Variants in KIF6 observed in about 807,000 individuals in gnomAD.
KIF6 encodes kinesin-like protein KIF6.
KIF6 carries 106 observed loss-of-function variants against 112.7 expected under a neutral mutation model. The observed-to-expected ratio is 0.94, with a 90% CI of 0.80 to 1.11. The LOEUF (loss-of-function observed/expected upper bound fraction) is 1.11, where lower values mean the gene tolerates loss of function less well. Among genes scored for constraint, KIF6 ranks in the 50% least tolerant of loss-of-function variants. The probability of loss-of-function intolerance (pLI) is 0.00; values close to 1 mark genes in which losing one functional copy is unlikely to be tolerated. For missense variants in KIF6, 929 were observed against 964.0 expected (o/e 0.96, Z 0.48); for synonymous variants, 339 against 339.9 (o/e 1.00, Z 0.03).
In KIF6 at chr6:39,431,895, T is replaced by C. The variant is rs558780387; in HGVS notation, c.1646-734A>G. ...CGGAGTGAGGGTCAGCGCAGATGTA[T>C]GCCTGGGACCCCTCAGTGAGAGCTG... On this transcript the variant is annotated intron_variant, in intron 13 of 22. Transcript: ENST00000287152. Among the ~76,000 whole-genome samples the C allele has an allele frequency of 2.6e-5, 4 of 152,194 alleles. No individual in the cohort carries two copies. In the South Asian group the frequency reaches 6.2e-4, roughly 24 times the overall value.
intron 3 of KIF6, among the ~76,000 whole-genome samples, chr6:39,656,036 T>G (rs1054667009): frequency 3.3e-5 from 5 of 152,222 alleles, no homozygotes; most frequent in African/African-American, 1.2e-4. Context: ...TACACTGACT[T>G]AGGCTGTATC....
intron 13 of KIF6, among the ~76,000 whole-genome samples, chr6:39,499,384 AG>A (rs2150489145): frequency 6.6e-6 from 1 of 152,174 alleles, no homozygotes; most frequent in South Asian, 2.1e-4. Flanking sequence ...AAGAGGCAAA[AG>A]CATGAGCCAA....
At chr6:39,464,013 T>C (rs915122756) in intron 13 of KIF6, among the ~76,000 whole-genome samples, 20 of 152,200 alleles carry the variant, frequency 1.3e-4, no homozygotes, top group African/African-American at 3.6e-4. Flanking sequence ...ATTTATTACT[T>C]TGAGAGTTTG....
chr6:39,384,142 G>A (rs1312175065), intron 16 of KIF6, among the ~76,000 whole-genome samples: 1 of 152,108 alleles, frequency 6.6e-6, no homozygotes. Context: ...TCTTTCTCTG[G>A]CCTAATTGCT....
intron 5 of KIF6, among the ~76,000 whole-genome samples, chr6:39,634,252 C>G (rs530234059): frequency 4.6e-4 from 70 of 152,152 alleles, no homozygotes; most frequent in African/African-American, 1.6e-3. Context: ...GGCAGATATT[C>G]AAACAAGCAT....
intron 3 of KIF6, among the ~76,000 whole-genome samples, chr6:39,640,557 T>A (rs183647983): frequency 3.9e-5 from 6 of 152,218 alleles, no homozygotes; most frequent in African/African-American, 1.2e-4. Context: ...TACGATGACA[T>A]CAGCTATTGG....
intron 3 of KIF6, among the ~76,000 whole-genome samples, chr6:39,684,234 G>T (rs1005256927): frequency 6.6e-6 from 1 of 152,174 alleles, no homozygotes; most frequent in African/African-American, 2.4e-5. Context: ...GGGTGCAGGG[G>T]CTCACGCCTG....
chr6:39,477,856 G>A (rs1175140476), intron 13 of KIF6, among the ~76,000 whole-genome samples: 1 of 151,758 alleles, frequency 6.6e-6, no homozygotes, highest in Non-Finnish European at 1.5e-5. Context: ...GCCAGACTCT[G>A]TCTCAAAAAA....
Position 39,343,364 on chromosome 6 carries a change from C to T in KIF6, c.2428+345G>A, listed in dbSNP as rs1488307402. 1 of 1,314,610 alleles carries T rather than the reference C, an allele frequency of 7.6e-7. No individual in the cohort carries two copies. Among genetic ancestry groups the T allele is most frequent in the African/African-American group, 1.5e-5 (1 of 66,976 alleles). 81.4% of individuals were successfully genotyped at this position (1,314,610 alleles called of 1,614,324 possible). On this transcript the variant is annotated intron_variant, in intron 22 of 22. Transcript: ENST00000287152. This position sits in a 1 kb window ranked among gnomAD's most constrained non-coding sequence, Gnocchi z 4.1. ...ACGAGTTACCAAAACATCACTCAGCCCCTTCCTGTTTGTAGAAGCCTGAGC... is the reference window on the plus strand; with the variant it reads ...ACGAGTTACCAAAACATCACTCAGCTCCTTCCTGTTTGTAGAAGCCTGAGC...
At chr6:39,583,485 G>T (rs1324535174) in intron 9 of KIF6, 1 of 471,488 alleles carries the variant, frequency 2.1e-6, no homozygotes, top group Non-Finnish European at 4.4e-6. Flanking sequence ...GCTTTCTGAG[G>T]CAAGAAGAAC....
At chr6:39,565,341 G>C (rs999025699) in intron 10 of KIF6, among the ~76,000 whole-genome samples, 1 of 149,958 alleles carries the variant, frequency 6.7e-6, no homozygotes, top group African/African-American at 2.4e-5. Flanking sequence ...TTTCTAGGCA[G>C]GCACCAGGCT....
rs537733262 is a variant in KIF6 at position 39,547,416 on chromosome 6, C to T, written c.1182-1728G>A. On this transcript the variant is annotated intron_variant, in intron 10 of 22. Transcript: ENST00000287152. ...TTAGAGCTTCAAACCATCAGATATA[C>T]AGAGGGATTTATTCCTGATACATTT... Among the ~76,000 whole-genome samples the T allele has an allele frequency of 3.9e-5, 6 of 152,242 alleles. No homozygotes were observed. In the South Asian group the frequency reaches 1.2e-3, roughly 32 times the overall value.
intron 6 of KIF6, 78 bp downstream of exon 6, chr6:39,613,111 C>CTTTTT: frequency 9.3e-7 from 1 of 1,079,976 alleles, no homozygotes; most frequent in Non-Finnish European, 1.2e-6. Flanking sequence ...TCTATTATAT[C>CTTTTT]TTTTTTTTTT....
intron 15 of KIF6, among the ~76,000 whole-genome samples, chr6:39,398,457 G>A (rs1768434590): frequency 1.3e-5 from 2 of 152,212 alleles, no homozygotes; most frequent in Admixed American, 1.3e-4. Context: ...ACTTGGGAAG[G>A]TAAAATTTCC....
chr6:39,691,493 A>G (rs1788206814), intron 3 of KIF6: 1 of 152,188 alleles, frequency 6.6e-6, no homozygotes, highest in Non-Finnish European at 1.5e-5. Context: ...TTCATGTATA[A>G]ATGTTTCAAT....
chr6:39,361,052 G>T (rs1765095314), intron 17 of KIF6, among the ~76,000 whole-genome samples: 1 of 152,114 alleles, frequency 6.6e-6, no homozygotes, highest in Non-Finnish European at 1.5e-5. Context: ...TCACCATTCC[G>T]CTGGCTCACC....
At chr6:39,584,789 T>C (rs951381637) in intron 9 of KIF6, 109 bp downstream of exon 9, 1 of 643,814 alleles carries the variant, frequency 1.6e-6, no homozygotes, top group African/African-American at 1.8e-5. Context: ...AGTTAATATG[T>C]TTCCACTACT....
chr6:39,647,469 G>GT (rs1785226206), intron 3 of KIF6, among the ~76,000 whole-genome samples: 1 of 152,112 alleles, frequency 6.6e-6, no homozygotes, highest in African/African-American at 2.4e-5. Context: ...TGTCCCACCT[G>GT]TAACAGCTAT....
At chr6:39,586,758 A>G (rs945282353) in intron 7 of KIF6, among the ~76,000 whole-genome samples, 1 of 152,162 alleles carries the variant, frequency 6.6e-6, no homozygotes, top group African/African-American at 2.4e-5. Context: ...CTTTAATACT[A>G]CCAAAATTGG....
Sources: gnomAD v4.1 joint callset for allele counts (sites outside exome capture counted in the v4.1 genomes callset) on GRCh38, gnomAD v4.1.1 for gene constraint, Gnocchi (gnomAD v3.1) non-coding constraint, MANE v1.5 for transcripts, NCBI Gene and HGNC (gene_info 2026-07-23, HGNC 2026-07-21) for gene names.